PHKG2: variants seen among roughly 807,000 people sequenced by gnomAD.
PHKG2 encodes phosphorylase kinase catalytic subunit gamma 2.
A neutral mutation model predicts 44.5 loss-of-function variants in PHKG2; 28 were observed. The observed-to-expected ratio is 0.63, with a 90% CI of 0.47 to 0.86. PHKG2 has a LOEUF of 0.86. Among genes scored for constraint, PHKG2 ranks in the 40% least tolerant of loss-of-function variants. PHKG2 has a pLI of 0.00. For synonymous variants in PHKG2, 220 were observed against 211.2 expected, an observed-to-expected ratio of 1.04 and a Z score of -0.36; for missense variants, 498 against 547.5, an observed-to-expected ratio of 0.91 and a Z score of 0.90.
rs2053432326 is a variant in PHKG2, at chr16:30,756,658, CTTT to C, written c.871_873del (p.Phe291del). ...CTGAGCAGGCCCTACAGCACCCCTTCTTTGAGCGTTGTGAAGGCAGCCAACCCT... is the reference window on the plus strand; with the variant it reads ...CTGAGCAGGCCCTACAGCACCCCTTCGAGCGTTGTGAAGGCAGCCAACCCT... On this transcript the variant is annotated inframe_deletion, in exon 9 of 10. Coordinates refer to ENST00000563588, the MANE Select transcript of PHKG2 (RefSeq NM_000294.3). 3 of 1,614,136 alleles carry C rather than the reference CTTT, an allele frequency of 1.9e-6. No individual in the cohort carries two copies. In the African/African-American group the frequency reaches 4.0e-5, roughly 22 times the overall value.
rs1428129100 is a variant in PHKG2 at position 30,759,493 on chromosome 16, C to T, written c.*2396C>T. On this transcript the variant is annotated 3_prime_UTR_variant, in exon 10 of 10. Transcript: ENST00000563588. Reference sequence around the variant, plus strand: ...TGACTCGGAATTAGAACCCTGACTACCTTCCGGAGCCCTGGCTTTGCCTCC... The same window carrying T: ...TGACTCGGAATTAGAACCCTGACTATCTTCCGGAGCCCTGGCTTTGCCTCC... 4 of 1,614,200 alleles carry T rather than the reference C, an allele frequency of 2.5e-6. No homozygotes were observed. Among genetic ancestry groups the T allele is most frequent in the Admixed American group, 3.3e-5 (2 of 60,024 alleles).
Position 30,758,917 on chromosome 16 carries a change from TA to T in PHKG2, c.*1825del, listed in dbSNP as rs2053551204. 3 of 1,539,454 alleles carry T rather than the reference TA, an allele frequency of 1.9e-6. No individual in the cohort carries two copies. Among genetic ancestry groups the T allele is most frequent in the Non-Finnish European group, 1.7e-6 (2 of 1,148,674 alleles). ...GATCATTTAGAGAAAGGACTCTGAC[TA>T]AAAACAAAAAGTCTGAAGTCCTGAT... On this transcript the variant is annotated 3_prime_UTR_variant, in exon 10 of 10. Transcript: ENST00000563588.
In PHKG2 at chr16:30,757,616, C is replaced by T; in HGVS notation, c.*519C>T. ...TGGAGCTGCTCCAGCTCTTTGTTCA[C>T]TTGGGTCTTGATGTAGGCTCGGAGG... is the stretch of plus-strand genomic sequence containing the variant. On this transcript the variant is annotated 3_prime_UTR_variant, in exon 10 of 10. Coordinates refer to ENST00000563588, the MANE Select transcript of PHKG2 (RefSeq NM_000294.3). The T allele has an allele frequency of 1.9e-6, 3 of 1,614,104 alleles. No homozygotes were observed. The highest frequency in any genetic ancestry group is 1.7e-6 in the Non-Finnish European group (2 of 1,179,968).
At position 30,758,825 on chromosome 16, in the gene PHKG2, A is replaced by T; in HGVS notation, c.*1728A>T. 1 of 976,464 alleles carries T rather than the reference A, an allele frequency of 1.0e-6. No homozygotes were observed. Among genetic ancestry groups the T allele is most frequent in the Non-Finnish European group, 1.5e-6 (1 of 681,490 alleles). 60.5% of individuals were successfully genotyped at this position (976,464 alleles called of 1,614,324 possible). On this transcript the variant is annotated 3_prime_UTR_variant, in exon 10 of 10. Transcript: ENST00000563588. Reference sequence around the variant, plus strand: ...CTGCCTCAGATTGTGCTGGGATTACAGGTGTGAGCCACCACGCCTGGCCTG... The same window carrying T: ...CTGCCTCAGATTGTGCTGGGATTACTGGTGTGAGCCACCACGCCTGGCCTG...
rs1197225997 is a variant in PHKG2 at position 30,759,071 on chromosome 16, T to C, written c.*1974T>C. 1 of 1,614,244 alleles carries C rather than the reference T, an allele frequency of 6.2e-7. No individual in the cohort carries two copies. Among genetic ancestry groups the C allele is most frequent in the Non-Finnish European group, 8.5e-7 (1 of 1,180,046 alleles). ...TTCCTCTTTCTGCGGGGTAACTGCC[T>C]GCTCCTCCATCTCCTTGCTTTCTTC... On this transcript the variant is annotated 3_prime_UTR_variant, in exon 10 of 10. Transcript: ENST00000563588.
chr16:30,748,942 G>A (rs2053292482), intron 2 of PHKG2, 27 bp downstream of exon 2: 1 of 1,502,828 alleles, frequency 6.7e-7, no homozygotes. Flanking sequence ...GGAAACGGAG[G>A]TCCAAAGAGG....
rs2053572267 is a variant in PHKG2 at position 30,759,261 on chromosome 16, CAG to C, written c.*2167_*2168del. 1 of 1,613,880 alleles carries C rather than the reference CAG, an allele frequency of 6.2e-7. No individual in the cohort carries two copies. The highest frequency in any genetic ancestry group is 1.3e-5 in the African/African-American group (1 of 74,898). ...ATCCAGCCGCACCTGGGAAGCAAGG[CAG>C]AGGGAGGCTGAAAGGAGTGCACCTG... On this transcript the variant is annotated 3_prime_UTR_variant, in exon 10 of 10. Transcript: ENST00000563588.
chr16:30,750,553 A>G (rs963086480), intron 2 of PHKG2, among the ~76,000 whole-genome samples: 1 of 152,220 alleles, frequency 6.6e-6, no homozygotes, highest in Admixed American at 6.5e-5. Context: ...ACATCCCTTC[A>G]GGATGCTGTT....
At chr16:30,751,006 T>TGG in intron 2 of PHKG2, 100 bp from the exon 3 acceptor site, 10 of 1,286,882 alleles carry the variant, frequency 7.8e-6, no homozygotes, top group African/African-American at 1.5e-5. Flanking sequence ...AGATGGGTCT[T>TGG]CAGAGTCTGG....
chr16:30,753,815 G>A (rs142233906), intron 6 of PHKG2, among the ~76,000 whole-genome samples: 13 of 152,302 alleles, frequency 8.5e-5, no homozygotes, highest in African/African-American at 2.9e-4. Context: ...GAACCCGGAG[G>A]AAGGAACGCC....
At position 30,759,346 on chromosome 16, in the gene PHKG2, G is replaced by T. The variant is rs1299933669; in HGVS notation, c.*2249G>T. The T allele has an allele frequency of 1.9e-6, 3 of 1,613,632 alleles. No homozygotes were observed. Among genetic ancestry groups the T allele is most frequent in the African/African-American group, 2.7e-5 (2 of 74,904 alleles). ...TCATGGTCCACCACCCCCTACCTGG[G>T]GTGTGAAGACGTATTTATAGAGCTT... On this transcript the variant is annotated 3_prime_UTR_variant, in exon 10 of 10. Transcript: ENST00000563588.
intron 2 of PHKG2, among the ~76,000 whole-genome samples, chr16:30,749,130 GTGGTGGTGC>G (rs200117179): frequency 1.1e-4 from 6 of 55,416 alleles, no homozygotes; most frequent in East Asian, 3.5e-4. Flanking sequence ...GGTGCTGGTG[GTGGTGGTGC>G]TGGTGCTGGT....
rs1318010598 is a variant in PHKG2 at position 30,758,777 on chromosome 16, ACTC to A, written c.*1683_*1685del. The A allele has an allele frequency of 5.1e-5, 32 of 628,732 alleles. No individual in the cohort carries two copies. The Admixed American group carries it at 1.0e-3, about 20-fold the overall frequency. 38.9% of individuals were successfully genotyped at this position (628,732 alleles called of 1,614,324 possible). On this transcript the variant is annotated 3_prime_UTR_variant, in exon 10 of 10. Coordinates refer to ENST00000563588, the MANE Select transcript of PHKG2 (RefSeq NM_000294.3). ...ACGGTGTTGCCCAGGCTGGTCGCGA[ACTC>A]CTGAGCTCAGGCAATCCGCCTGCCT...
rs1238722170 is a variant in PHKG2 at position 30,757,007 on chromosome 16, G to GC, written c.1136dup (p.Gly380TrpfsTer9). On this transcript the variant is annotated frameshift_variant, in exon 10 of 10. Transcript: ENST00000563588. LOFTEE classifies it low-confidence loss of function (END_TRUNC). Reference sequence around the variant, plus strand: ...ACCGGGCGGCTCTCTTTCAGCACCGGCCCCCTGGGCCTTTTCCCATCATGG... The same window carrying GC: ...ACCGGGCGGCTCTCTTTCAGCACCGGCCCCCCTGGGCCTTTTCCCATCATGG... The GC allele has an allele frequency of 1.2e-6, 2 of 1,611,884 alleles. No homozygotes were observed. Among genetic ancestry groups the GC allele is most frequent in the East Asian group, 4.5e-5 (2 of 44,900 alleles).
chr16:30,759,314 T>C lies in PHKG2; in HGVS notation c.*2217T>C. 6 of 1,612,148 alleles carry C rather than the reference T, an allele frequency of 3.7e-6. No homozygotes were observed. The highest frequency in any genetic ancestry group is 5.1e-6 in the Non-Finnish European group (6 of 1,178,520). On this transcript the variant is annotated 3_prime_UTR_variant, in exon 10 of 10. Transcript: ENST00000563588. ...TGCTGAGGGGAGGGGCGGTTGAGGG[T>C]GGCTCCTCATGGTCCACCACCCCCT...
intron 3 of PHKG2, 115 bp from the exon 4 acceptor site, chr16:30,751,434 G>A: frequency 2.3e-6 from 3 of 1,278,978 alleles, no homozygotes; most frequent in Non-Finnish European, 3.4e-6. Flanking sequence ...TGCCTCCTCT[G>A]GTTCTCCTTT....
In PHKG2 at chr16:30,757,958, A is replaced by G. The variant is rs1038743937; in HGVS notation, c.*861A>G. 8.4e-6 allele frequency: 4 copies of G among 478,208 alleles called. No individual in the cohort carries two copies. Among genetic ancestry groups the G allele is most frequent in the Admixed American group, 9.1e-5 (2 of 22,054 alleles). 29.6% of individuals were successfully genotyped at this position (478,208 alleles called of 1,614,324 possible). Reference sequence around the variant, plus strand: ...TGAAATGTGGATAGTGATACCTAGCACATAGGATTGAGGGAGGATTAAATG... The same window carrying G: ...TGAAATGTGGATAGTGATACCTAGCGCATAGGATTGAGGGAGGATTAAATG... On this transcript the variant is annotated 3_prime_UTR_variant, in exon 10 of 10. Transcript: ENST00000563588.
intron 6 of PHKG2, 71 bp downstream of exon 6, chr16:30,753,628 C>A: frequency 6.8e-7 from 1 of 1,468,882 alleles, no homozygotes; most frequent in South Asian, 1.2e-5. Context: ...TTGGCTGGGT[C>A]TGAGTACCAA....
intron 3 of PHKG2, 88 bp from the exon 4 acceptor site, chr16:30,751,461 C>T (rs1273435727): frequency 1.1e-5 from 15 of 1,331,626 alleles, no homozygotes; most frequent in South Asian, 3.5e-5. Flanking sequence ...AGTAACAGCC[C>T]GCTGCTGTCC....
Sources: gnomAD v4.1 joint callset for allele counts (sites outside exome capture counted in the v4.1 genomes callset) on GRCh38, gnomAD v4.1.1 for gene constraint, MANE v1.5 for transcripts, NCBI Gene and HGNC (gene_info 2026-07-23, HGNC 2026-07-21) for gene names.